FOXRED2: variants seen among roughly 807,000 people sequenced by gnomAD.
FOXRED2 encodes FAD-dependent oxidoreductase domain-containing protein 2.
A neutral mutation model predicts 52.5 loss-of-function variants in FOXRED2; 32 were observed. That is an observed-to-expected ratio of 0.61 (90% CI 0.46 to 0.82). FOXRED2 has a LOEUF of 0.82. Among genes scored for constraint, FOXRED2 ranks in the 40% least tolerant of loss-of-function variants. The pLI is 0.00. For synonymous variants in FOXRED2, 405 were observed against 398.1 expected (o/e 1.02, Z -0.21); for missense variants, 848 against 937.5 (o/e 0.90, Z 1.25).
At chr22:36,498,375 A>C in intron 5 of FOXRED2, 1 of 562,042 alleles carries the variant, frequency 1.8e-6, no homozygotes, top group Non-Finnish European at 3.2e-6. Flanking sequence ...CAGACAATCC[A>C]TATTCTCTGC....
chr22:36,498,279 C>T lies in FOXRED2; in HGVS notation c.1217-123G>A, dbSNP rs12330087. Reference sequence around the variant, plus strand: ...ATACACACTGGTCTCCATGGCCCAGCGCAAACGCCTAGGTGGTGAACACAT... The same window carrying T: ...ATACACACTGGTCTCCATGGCCCAGTGCAAACGCCTAGGTGGTGAACACAT... On this transcript the variant is annotated intron_variant, in intron 5 of 8. Coordinates refer to ENST00000397224, the MANE Select transcript of FOXRED2 (RefSeq NM_001102371.2). 16,619 of 1,116,656 alleles carry T rather than the reference C, an allele frequency of 0.015. 1,665 individuals carry two copies. The African/African-American group carries it at 0.22, about 15-fold the overall frequency. 69.2% of individuals were successfully genotyped at this position (1,116,656 alleles called of 1,614,324 possible).
Position 36,489,916 on chromosome 22 carries a change from G to T in FOXRED2, c.*92C>A. ...GAGTGGTCTTTGGCAATCACGCATT[G>T]GCGGGAGTGTGAGGTTGCGGGGAAA... On this transcript the variant is annotated 3_prime_UTR_variant, in exon 9 of 9. Transcript: ENST00000397224. 7.6e-7 allele frequency: 1 copy of T among 1,310,278 alleles called. No homozygotes were observed. The highest frequency in any genetic ancestry group is 1.0e-6 in the Non-Finnish European group (1 of 968,898). 81.2% of individuals were successfully genotyped at this position (1,310,278 alleles called of 1,614,324 possible).
rs1441495265 is a variant in FOXRED2, at chr22:36,488,849, G to C, written c.*1159C>G. On this transcript the variant is annotated 3_prime_UTR_variant, in exon 9 of 9. Transcript: ENST00000397224. ...ACCTGCCTGGGCCTCCCAGAGTGCT[G>C]GGATTGTCCTTGGAATTCTGAGTGG... 1 of 152,242 alleles carries C rather than the reference G, an allele frequency of 6.6e-6. No homozygotes were observed. The highest frequency in any genetic ancestry group is 2.4e-5 in the African/African-American group (1 of 41,440). The allele number at this position is 152,242 out of a possible 1,614,324, so 9.4% of individuals were successfully genotyped here.
chr22:36,505,940 G>A lies in FOXRED2; in HGVS notation c.483C>T (p.His161=). 1.2e-6 allele frequency: 2 copies of A among 1,614,210 alleles called. No homozygotes were observed. The highest frequency in any genetic ancestry group is 1.7e-6 in the Non-Finnish European group (2 of 1,180,012). The part of the protein sequence containing the change: ...LDKDRQAWNG[H]YFILTDQKGQ... ...CCTTCTGGTCAGTTAGGATGAAGTA[G>A]TGGCCATTCCAGGCCTGTCGGTCCT... The change falls in exon 2 of 9, where the codon CAC becomes CAT. Residue 161 remains histidine (H), a synonymous_variant. Coordinates refer to ENST00000397224, the MANE Select transcript of FOXRED2 (RefSeq NM_001102371.2).
Position 36,490,062 on chromosome 22 carries a change from G to T in FOXRED2, c.2001C>A (p.Pro667=). The part of the protein sequence containing the change: ...QLGDQEPLGS[P]LAPGPLAQSV... The stretch of plus-strand genomic sequence containing the variant: ...ACTGAGCCAGAGGCCCTGGAGCCAG[G>T]GGGGAACCTAGTGGCTCTTGGTCGC... The change falls in exon 9 of 9, where the codon CCC becomes CCA. Residue 667 remains proline (P), a synonymous_variant. Coordinates refer to ENST00000397224, the MANE Select transcript of FOXRED2 (RefSeq NM_001102371.2). The T allele has an allele frequency of 4.3e-6, 7 of 1,612,632 alleles. No individual in the cohort carries two copies. Among genetic ancestry groups the T allele is most frequent in the Non-Finnish European group, 5.1e-6 (6 of 1,178,932 alleles).
chr22:36,498,448 A>G, intron 5 of FOXRED2: 1 of 332,956 alleles, frequency 3.0e-6, no homozygotes, highest in Non-Finnish European at 5.6e-6. Flanking sequence ...AAAGCGGCCA[A>G]GACAACAGGC....
chr22:36,500,223 A>G (rs1179691113), intron 5 of FOXRED2, among the ~76,000 whole-genome samples: 5 of 152,196 alleles, frequency 3.3e-5, no homozygotes, highest in Non-Finnish European at 5.9e-5. Flanking sequence ...TTTAATTCCC[A>G]TAATGGTGAG....
rs1172986971 is a variant in FOXRED2, at chr22:36,489,730, A to G, written c.*278T>C. On this transcript the variant is annotated 3_prime_UTR_variant, in exon 9 of 9. Coordinates refer to ENST00000397224, the MANE Select transcript of FOXRED2 (RefSeq NM_001102371.2). ...GCAGAACTGGGCTGGCCTGGGGCTC[A>G]GCGACAGCTCCATTGCAGACAAACT... 5 of 362,196 alleles carry G rather than the reference A, an allele frequency of 1.4e-5. No individual in the cohort carries two copies. The highest frequency in any genetic ancestry group is 4.4e-5 in the Admixed American group (1 of 22,874). 22.4% of individuals were successfully genotyped at this position (362,196 alleles called of 1,614,324 possible).
chr22:36,502,880 G>A (rs376588255), intron 4 of FOXRED2, among the ~76,000 whole-genome samples: 3 of 152,204 alleles, frequency 2.0e-5, no homozygotes, highest in South Asian at 2.1e-4. Flanking sequence ...TTTTGGTAGA[G>A]ACGGGGTTTC....
intron 2 of FOXRED2, among the ~76,000 whole-genome samples, chr22:36,505,520 G>C (rs1934166508): frequency 6.6e-6 from 1 of 152,158 alleles, no homozygotes; most frequent in Non-Finnish European, 1.5e-5. Flanking sequence ...TGTAATCCCA[G>C]CATTTGGGGA....
At position 36,494,797 on chromosome 22, in the gene FOXRED2, G is replaced by A. The variant is rs560386070; in HGVS notation, c.1625-994C>T. Among the ~76,000 whole-genome samples, 48 of 151,814 alleles carry A rather than the reference G, an allele frequency of 3.2e-4. No homozygotes were observed. The Middle Eastern group carries it at 0.014, about 43-fold the overall frequency. ...TGGGACTACAGGCGCACGCCACCAC[G>A]CTGGCTAATTTTTGTATTTTTATTA... On this transcript the variant is annotated intron_variant, in intron 7 of 8. Coordinates refer to ENST00000397224, the MANE Select transcript of FOXRED2 (RefSeq NM_001102371.2).
chr22:36,503,979 T>C, intron 4 of FOXRED2, 119 bp downstream of exon 4: 2 of 1,111,282 alleles, frequency 1.8e-6, no homozygotes, highest in Non-Finnish European at 2.6e-6. Context: ...CTCACATCCA[T>C]TCTTTGGGTG....
Position 36,506,027 on chromosome 22 carries a change from G to A in FOXRED2, c.396C>T (p.Phe132=), listed in dbSNP as rs772875907. The change falls in exon 2 of 9, where the codon TTC becomes TTT. Residue 132 remains phenylalanine (F), a synonymous_variant. Coordinates refer to ENST00000397224, the MANE Select transcript of FOXRED2 (RefSeq NM_001102371.2). ...GGACACGGAGCCCCAGCGTGTCCGC[G>A]AAGTCACCCAGGTAGCGCACCATGT... is the stretch of plus-strand genomic sequence containing the variant. ...ARDMVRYLGD[F]ADTLGLRVQY... is the part of the protein sequence containing the mutation. 6.2e-7 allele frequency: 1 copy of A among 1,614,252 alleles called. No homozygotes were observed. The highest frequency in any genetic ancestry group is 1.7e-5 in the Admixed American group (1 of 60,032).
chr22:36,500,708 C>G (rs918673105), intron 5 of FOXRED2, among the ~76,000 whole-genome samples: 3 of 151,816 alleles, frequency 2.0e-5, no homozygotes, highest in African/African-American at 7.3e-5. Flanking sequence ...CTCAGCCTCC[C>G]GAGTAGCTGG....
At position 36,506,230 on chromosome 22, in the gene FOXRED2, G is replaced by A; in HGVS notation, c.193C>T (p.Pro65Ser). The change falls in exon 2 of 9, where the codon CCC (proline) becomes TCC (serine). Residue 65 changes from proline (P) to serine (S), a missense_variant. Physicochemically the swap from Pro to Ser is moderately conservative, Grantham distance 74 (BLOSUM62 -1). Transcript: ENST00000397224. ...DYAVFERAPRPGSFFTRYPRH... is the reference protein window; with the variant it reads ...DYAVFERAPRSGSFFTRYPRH... ...GGGTAGCGTGTGAAGAAGCTGCCGGGCCGCGGGGCCCGCTCGAACACTGCG... is the reference window on the plus strand; with the variant it reads ...GGGTAGCGTGTGAAGAAGCTGCCGGACCGCGGGGCCCGCTCGAACACTGCG... 6.2e-7 allele frequency: 1 copy of A among 1,613,794 alleles called. No individual in the cohort carries two copies. Among genetic ancestry groups the A allele is most frequent in the Non-Finnish European group, 8.5e-7 (1 of 1,179,906 alleles).
chr22:36,501,438 A>G (rs1257942673), intron 4 of FOXRED2, 31 bp from the exon 5 acceptor site: 1 of 1,609,410 alleles, frequency 6.2e-7, no homozygotes, highest in South Asian at 1.1e-5. Flanking sequence ...TCATGAAAAT[A>G]GCTGCTATGT....
At chr22:36,504,391 G>C in intron 3 of FOXRED2, 24 bp from the exon 4 acceptor site, 4 of 1,611,928 alleles carry the variant, frequency 2.5e-6, no homozygotes, top group African/African-American at 1.3e-5. Context: ...GAATGCAGGG[G>C]AGAGAGACTC....
intron 3 of FOXRED2, 67 bp downstream of exon 3, chr22:36,504,448 G>A: frequency 1.2e-6 from 2 of 1,608,760 alleles, no homozygotes; most frequent in Non-Finnish European, 8.5e-7. Context: ...GGCAGGGGAG[G>A]GTTGGGGAGG....
chr22:36,490,237 T>A lies in FOXRED2; in HGVS notation c.1826A>T (p.Gln609Leu). ...CTGCTGGCAAAAGGGTGGCAACTTC[T>A]GGCGCGTGAGGGCGAACAGGAAGCA... is the stretch of plus-strand genomic sequence containing the variant. Reference protein sequence around the residue: ...ESCFLFALTRQKLPPFCQQGY... With the variant: ...ESCFLFALTRLKLPPFCQQGY... The change falls in exon 9 of 9, where the codon CAG becomes CTG. Residue 609 changes from glutamine to leucine, a missense_variant. Coordinates refer to ENST00000397224, the MANE Select transcript of FOXRED2 (RefSeq NM_001102371.2). 6.2e-7 allele frequency: 1 copy of A among 1,612,436 alleles called. No individual in the cohort carries two copies. The highest frequency in any genetic ancestry group is 8.5e-7 in the Non-Finnish European group (1 of 1,178,890).
Sources: allele counts gnomAD v4.1 joint callset (sites outside exome capture counted in the v4.1 genomes callset), GRCh38; gene constraint gnomAD v4.1.1; transcripts MANE v1.5; gene names NCBI Gene and HGNC (gene_info 2026-07-23, HGNC 2026-07-21).